The following MSTN variants were observed in gnomAD, a reference collection of about 807,000 sequenced individuals.
MSTN encodes growth/differentiation factor 8.
In MSTN, 12 loss-of-function variants were observed where a neutral mutation model predicts 32.3. The ratio of observed to expected loss-of-function variants is 0.37; its 90% CI spans 0.24 to 0.60. The LOEUF (loss-of-function observed/expected upper bound fraction) is 0.60, where lower values mean the gene tolerates loss of function less well. MSTN is among the 20% of genes least tolerant of loss of function. MSTN has a pLI of 0.67. For synonymous variants in MSTN, 168 were observed against 155.1 expected, an observed-to-expected ratio of 1.08 and a Z score of -0.62; for missense variants, 403 against 450.3, an observed-to-expected ratio of 0.89 and a Z score of 0.95.
At position 190,057,146 on chromosome 2, in the gene MSTN, G is replaced by T; in HGVS notation, c.*112C>A. The T allele has an allele frequency of 8.9e-7, 1 of 1,122,830 alleles. No homozygotes were observed. The highest frequency in any genetic ancestry group is 1.3e-6 in the Non-Finnish European group (1 of 766,200). 69.6% of individuals were successfully genotyped at this position (1,122,830 alleles called of 1,614,324 possible). On this transcript the variant is annotated 3_prime_UTR_variant, in exon 3 of 3. Coordinates refer to ENST00000260950, the MANE Select transcript of MSTN (RefSeq NM_005259.3). ...TACATACTGTAGCTTATGCTTAAGT[G>T]ACTGTAGCATACTCTAGGCCTATAG...
chr2:190,056,990 T>A lies in MSTN; in HGVS notation c.*268A>T. On this transcript the variant is annotated 3_prime_UTR_variant, in exon 3 of 3. Coordinates refer to ENST00000260950, the MANE Select transcript of MSTN (RefSeq NM_005259.3). ...ATCGCTTTCATTTCCTCGCCGATGT[T>A]GTAATATATAGGAACATAAATGTAA... The A allele has an allele frequency of 2.6e-6, 1 of 390,652 alleles. No individual in the cohort carries two copies. The highest frequency in any genetic ancestry group is 4.6e-6 in the Non-Finnish European group (1 of 216,392). The allele number at this position is 390,652 out of a possible 1,614,324, so 24.2% of individuals were successfully genotyped here. A position where few individuals can be genotyped will look rare whatever the true frequency, so the allele number is the denominator to read the frequency against.
rs16832285 is a variant in MSTN, at chr2:190,056,765, C to T, written c.*493G>A. On this transcript the variant is annotated 3_prime_UTR_variant, in exon 3 of 3. Coordinates refer to ENST00000260950, the MANE Select transcript of MSTN (RefSeq NM_005259.3). ...GGAAATTGCATATGCTGCACCATCC[C>T]TATTTTTGTGGAATTTTATCTTACC... is the stretch of plus-strand genomic sequence containing the variant. The T allele has an allele frequency of 0.065, 10,605 of 164,046 alleles. 855 individuals carry two copies. The highest frequency in any genetic ancestry group is 0.2 in the African/African-American group (8,173 of 41,514). The allele number at this position is 164,046 out of a possible 1,614,324, so 10.2% of individuals were successfully genotyped here. A position where few individuals can be genotyped will look rare whatever the true frequency, so the allele number is the denominator to read the frequency against.
chr2:190,057,367 C>G lies in MSTN; in HGVS notation c.1019G>C (p.Cys340Ser). 1 of 1,613,588 alleles carries G rather than the reference C, an allele frequency of 6.2e-7. No individual in the cohort carries two copies. The highest frequency in any genetic ancestry group is 8.5e-7 in the Non-Finnish European group (1 of 1,179,612). The change falls in exon 3 of 3, where the codon TGT becomes TCT. Residue 340 changes from cysteine to serine, a missense_variant. Physicochemically the swap from Cys to Ser is moderately radical, Grantham distance 112 (BLOSUM62 -1). Coordinates refer to ENST00000260950, the MANE Select transcript of MSTN (RefSeq NM_005259.3). ...AATTGGAGACATCTTTGTGGGAGTA[C>G]AGCAAGGGCCTGCTGAACCTCTGGG... ...ANPRGSAGPC[C>S]TPTKMSPINM...
intron 1 of MSTN, 81 bp downstream of exon 1, chr2:190,062,143 G>T: frequency 6.7e-7 from 1 of 1,499,216 alleles, no homozygotes; most frequent in Non-Finnish European, 9.2e-7. Flanking sequence ...GTTTAAAAGA[G>T]CCTGAAAATA....
intron 2 of MSTN, among the ~76,000 whole-genome samples, chr2:190,058,164 G>C (rs930090979): frequency 1.3e-5 from 2 of 152,024 alleles, no homozygotes; most frequent in East Asian, 3.9e-4. Flanking sequence ...AAATTCAGAA[G>C]AAGAGACGAT....
intron 1 of MSTN, among the ~76,000 whole-genome samples, chr2:190,061,155 T>C (rs1404633365): frequency 6.6e-6 from 1 of 152,076 alleles, no homozygotes; most frequent in Non-Finnish European, 1.5e-5. Flanking sequence ...ACCTATTTGA[T>C]AGCAGAGTCT....
chr2:190,062,400 A>T lies in MSTN; in HGVS notation c.197T>A (p.Leu66Gln). 6.2e-7 allele frequency: 1 copy of T among 1,613,534 alleles called. No individual in the cohort carries two copies. The highest frequency in any genetic ancestry group is 8.5e-7 in the Non-Finnish European group (1 of 1,179,604). Residue 66 changes from leucine to glutamine, a missense_variant, in exon 1 of 3, where the codon CTG (leucine) becomes CAG (glutamine). Transcript: ENST00000260950. ...IKIQILSKLR[L>Q]ETAPNISKDV... The stretch of plus-strand genomic sequence containing the variant: ...TTTGCTGATGTTAGGAGCTGTTTCC[A>T]GACGAAGTTTACTGAGGATTTGTAT...
At chr2:190,060,736 AATG>A (rs898422665) in intron 1 of MSTN, among the ~76,000 whole-genome samples, 25 of 152,008 alleles carry the variant, frequency 1.6e-4, no homozygotes, top group Admixed American at 1.4e-3. Context: ...GAAATTTTAA[AATG>A]ATGATGATTA....
At position 190,062,204 on chromosome 2, in the gene MSTN, A is replaced by G; in HGVS notation, c.373+20T>C. 2 of 1,612,118 alleles carry G rather than the reference A, an allele frequency of 1.2e-6. No individual in the cohort carries two copies. The highest frequency in any genetic ancestry group is 2.2e-5 in the South Asian group (2 of 90,990). The stretch of plus-strand genomic sequence containing the variant: ...CAACAGTCAGCAGAACTGTTGATAT[A>G]CACTAATAGGACTACTTACACTCTG... On this transcript the variant is annotated intron_variant, in intron 1 of 2. Coordinates refer to ENST00000260950, the MANE Select transcript of MSTN (RefSeq NM_005259.3).
Position 190,056,803 on chromosome 2 carries a change from A to G in MSTN, c.*455T>C, listed in dbSNP as rs1685444018. On this transcript the variant is annotated 3_prime_UTR_variant, in exon 3 of 3. Coordinates refer to ENST00000260950, the MANE Select transcript of MSTN (RefSeq NM_005259.3). ...ATTTTATCTTACCAAGTATACTACC[A>G]TACAATATAAATTCAAGTGTTTAAG... The G allele has an allele frequency of 5.5e-6, 1 of 182,116 alleles. No individual in the cohort carries two copies. The highest frequency in any genetic ancestry group is 5.4e-5 in the Admixed American group (1 of 18,436). 11.3% of individuals were successfully genotyped at this position (182,116 alleles called of 1,614,324 possible). A position where few individuals can be genotyped will look rare whatever the true frequency, so the allele number is the denominator to read the frequency against.
Position 190,056,125 on chromosome 2 carries a change from G to A in MSTN, c.*1133C>T, listed in dbSNP as rs1685420391. On this transcript the variant is annotated 3_prime_UTR_variant, in exon 3 of 3. Transcript: ENST00000260950. Reference sequence around the variant, plus strand: ...TATAACCATCTAATCATTAACATATGGAGTTTTAAGACCACTATTTAATCT... The same window carrying A: ...TATAACCATCTAATCATTAACATATAGAGTTTTAAGACCACTATTTAATCT... 2 of 152,354 alleles carry A rather than the reference G, an allele frequency of 1.3e-5. No homozygotes were observed. Among genetic ancestry groups the A allele is most frequent in the Non-Finnish European group, 1.5e-5 (1 of 67,954 alleles). The allele number at this position is 152,354 out of a possible 1,614,324, so 9.4% of individuals were successfully genotyped here.
At chr2:190,060,923 T>C (rs1685576367) in intron 1 of MSTN, among the ~76,000 whole-genome samples, 1 of 151,964 alleles carries the variant, frequency 6.6e-6, no homozygotes, top group Non-Finnish European at 1.5e-5. Flanking sequence ...CAGGAATTAG[T>C]AGAAAACACA....
At position 190,057,605 on chromosome 2, in the gene MSTN, G is replaced by T. The variant is rs747269695; in HGVS notation, c.781C>A (p.Pro261Thr). ...PFLEVKVTDT[P>T]KRSRRDFGLD... is the part of the protein sequence containing the mutation. ...CCAAAATCCCTTCTGGATCTTTTTG[G>T]TGTGTCTGTTACCTTGACCTCTAAA... Residue 261 changes from proline to threonine, a missense_variant, in exon 3 of 3, where the codon CCA becomes ACA. Pro to Thr is a conservative substitution (Grantham distance 38, BLOSUM62 -1). Coordinates refer to ENST00000260950, the MANE Select transcript of MSTN (RefSeq NM_005259.3). The T allele has an allele frequency of 1.2e-6, 2 of 1,613,286 alleles. No homozygotes were observed. Among genetic ancestry groups the T allele is most frequent in the Non-Finnish European group, 1.7e-6 (2 of 1,179,432 alleles).
At chr2:190,059,054 T>C (rs1047688923) in intron 2 of MSTN, among the ~76,000 whole-genome samples, 1 of 151,520 alleles carries the variant, frequency 6.6e-6, no homozygotes, top group African/African-American at 2.4e-5. Flanking sequence ...TGAAAAAATA[T>C]TGTATAGTAT....
intron 2 of MSTN, 121 bp downstream of exon 2, chr2:190,059,941 G>T: frequency 9.9e-7 from 1 of 1,013,356 alleles, no homozygotes; most frequent in Non-Finnish European, 1.5e-6. Context: ...TACCGTTGGG[G>T]TAAGATACCT....
chr2:190,058,913 C>T (rs1685514212), intron 2 of MSTN, among the ~76,000 whole-genome samples: 1 of 151,784 alleles, frequency 6.6e-6, no homozygotes, highest in African/African-American at 2.4e-5. Flanking sequence ...GCACTAAAAC[C>T]TCAGACTTCA....
chr2:190,059,330 G>A (rs1685529443), intron 2 of MSTN, among the ~76,000 whole-genome samples: 1 of 151,904 alleles, frequency 6.6e-6, no homozygotes, highest in Admixed American at 6.6e-5. Context: ...ATAAGGTATT[G>A]TCATTTACTT....
chr2:190,058,934 A>G (rs1192479661), intron 2 of MSTN, among the ~76,000 whole-genome samples: 2 of 151,852 alleles, frequency 1.3e-5, no homozygotes, highest in Non-Finnish European at 1.5e-5. Flanking sequence ...CCACTGTACA[A>G]TTCATCTATG....
chr2:190,057,715 G>T, intron 2 of MSTN, 77 bp from the exon 3 acceptor site: 2 of 1,478,212 alleles, frequency 1.4e-6, no homozygotes, highest in Admixed American at 1.7e-5. Context: ...AGAAGTTATT[G>T]TTGAAGTAAT....
Sources: allele counts gnomAD v4.1 joint callset (sites outside exome capture counted in the v4.1 genomes callset), GRCh38; gene constraint gnomAD v4.1.1; transcripts MANE v1.5; gene names NCBI Gene and HGNC (gene_info 2026-07-23, HGNC 2026-07-21).